DSCAML1: variants seen among roughly 807,000 people sequenced by gnomAD.
DSCAML1 encodes cell adhesion molecule DSCAML1.
In DSCAML1, 38 loss-of-function variants were observed where a neutral mutation model predicts 200.5. The observed-to-expected ratio is 0.19, with a 90% CI of 0.15 to 0.25. The LOEUF is 0.25. Among genes scored for constraint, DSCAML1 ranks in the 10% least tolerant of loss-of-function variants. The pLI, the probability that DSCAML1 is intolerant of heterozygous loss-of-function variation, is 1.00. For synonymous variants in DSCAML1, 1,215 were observed against 1,165.0 expected (o/e 1.04, Z -0.87); for missense variants, 2,223 against 2,858.8 (o/e 0.78, Z 5.07).
At chr11:117,777,053 A>G in intron 2 of DSCAML1, 116 bp from the exon 3 acceptor site, 1 of 1,099,638 alleles carries the variant, frequency 9.1e-7, no homozygotes, top group African/African-American at 1.6e-5. Context: ...TCACCTTCCC[A>G]CTTCTTCCTT....
At chr11:117,610,590 T>C (rs749203536) in intron 3 of DSCAML1, among the ~76,000 whole-genome samples, 10 of 151,916 alleles carry the variant, frequency 6.6e-5, no homozygotes, top group Admixed American at 2.0e-4. Context: ...ATCTTCAGCA[T>C]GGACCTCCCA....
intron 3 of DSCAML1, among the ~76,000 whole-genome samples, chr11:117,718,828 G>A (rs1046684804): frequency 6.6e-6 from 1 of 152,156 alleles, no homozygotes; most frequent in Non-Finnish European, 1.5e-5. Flanking sequence ...AGTGTTTAAC[G>A]AGCACATAAC....
rs552932316 is a variant in DSCAML1, at chr11:117,791,974, C to T, written c.46+5060G>A. ...CTCAGAGAGGCCCAAAGTCACATGG[C>T]CAGTAAGTGCAGAGCCAGGATGTGA... is the stretch of plus-strand genomic sequence containing the variant. On this transcript the variant is annotated intron_variant, in intron 1 of 32. Coordinates refer to ENST00000651296, the MANE Select transcript of DSCAML1 (RefSeq NM_020693.4). Among the ~76,000 whole-genome samples the T allele has an allele frequency of 1.8e-4, 27 of 152,314 alleles. 1 individual carries two copies. The East Asian group carries it at 3.7e-3, about 21-fold the overall frequency.
intron 3 of DSCAML1, among the ~76,000 whole-genome samples, chr11:117,558,599 CTA>C (rs1448244011): frequency 1.3e-5 from 2 of 152,194 alleles, no homozygotes; most frequent in Non-Finnish European, 2.9e-5. Context: ...AACCCCGTCT[CTA>C]TGTGTAGCAG....
intron 11 of DSCAML1, among the ~76,000 whole-genome samples, chr11:117,495,535 C>T (rs554373729): frequency 6.6e-6 from 1 of 152,164 alleles, no homozygotes; most frequent in Non-Finnish European, 1.5e-5. Flanking sequence ...AGGACACCTG[C>T]CAATCACACG....
upstream of DSCAML1, among the ~76,000 whole-genome samples, chr11:117,800,204 G>A (rs150838191): frequency 2.5e-3 from 381 of 152,322 alleles, 2 homozygotes; most frequent in African/African-American, 8.9e-3. Flanking sequence ...CTCTTCGACA[G>A]GAGTTGTATT....
At position 117,521,117 on chromosome 11, in the gene DSCAML1, C is replaced by A. The variant is rs367963788; in HGVS notation, c.1213+13G>T. On this transcript the variant is annotated intron_variant, in intron 6 of 32. Coordinates refer to ENST00000651296, the MANE Select transcript of DSCAML1 (RefSeq NM_020693.4). ...CCTGAACCCGCCCCCTGTGTCCTGG[C>A]GCCCCAGCTCACCCTCAAGTGCAAT... The A allele has an allele frequency of 1.2e-6, 2 of 1,607,236 alleles. No homozygotes were observed. Among genetic ancestry groups the A allele is most frequent in the Non-Finnish European group, 1.7e-6 (2 of 1,174,872 alleles).
chr11:117,484,924 TG>T (rs2049010972), intron 11 of DSCAML1, among the ~76,000 whole-genome samples: 1 of 142,606 alleles, frequency 7.0e-6, no homozygotes, highest in Non-Finnish European at 1.5e-5. Flanking sequence ...TGTGTGTGTG[TG>T]TGTGTGTGTG....
intron 11 of DSCAML1, among the ~76,000 whole-genome samples, chr11:117,486,300 T>G (rs1253282753): frequency 0.015 from 1,877 of 122,002 alleles, 68 homozygotes; most frequent in African/African-American, 0.049. Context: ...ATGGCAGATG[T>G]GAAAGTAGTG....
chr11:117,576,685 C>A (rs996605481), intron 3 of DSCAML1, among the ~76,000 whole-genome samples: 2 of 152,138 alleles, frequency 1.3e-5, no homozygotes, highest in Non-Finnish European at 2.9e-5. Flanking sequence ...CTGACTGTTT[C>A]CACAAGGGAC....
chr11:117,728,253 A>G (rs992905420), intron 3 of DSCAML1, among the ~76,000 whole-genome samples: 1 of 152,254 alleles, frequency 6.6e-6, no homozygotes, highest in Non-Finnish European at 1.5e-5. Flanking sequence ...AAAACACTCA[A>G]CATAATTAGG....
At chr11:117,712,677 T>A (rs948039911) in intron 3 of DSCAML1, among the ~76,000 whole-genome samples, 1 of 152,086 alleles carries the variant, frequency 6.6e-6, no homozygotes, top group African/African-American at 2.4e-5. Flanking sequence ...GATCCATTCA[T>A]CCTAACAGCT....
At chr11:117,461,169 C>T (rs1054450704) in intron 18 of DSCAML1, among the ~76,000 whole-genome samples, 3 of 152,048 alleles carry the variant, frequency 2.0e-5, no homozygotes, top group Non-Finnish European at 4.4e-5. Flanking sequence ...TCCCACCCCT[C>T]ACCAGAGATG....
chr11:117,462,877 CTT>C (rs2048507816), intron 17 of DSCAML1, among the ~76,000 whole-genome samples: 2 of 152,344 alleles, frequency 1.3e-5, no homozygotes, highest in East Asian at 3.9e-4. Flanking sequence ...CTGCTGGAAA[CTT>C]TCTTCTCCCC....
At chr11:117,483,905 G>T (rs906287483) in intron 11 of DSCAML1, among the ~76,000 whole-genome samples, 1 of 151,724 alleles carries the variant, frequency 6.6e-6, no homozygotes, top group East Asian at 1.9e-4. Context: ...CCCCATTCAG[G>T]GGAATACCTC....
chr11:117,490,113 G>T (rs939064557), intron 11 of DSCAML1, among the ~76,000 whole-genome samples: 3 of 152,156 alleles, frequency 2.0e-5, no homozygotes, highest in Non-Finnish European at 4.4e-5. Context: ...AAGCACCACG[G>T]AGAGGAGAAA....
At chr11:117,440,592 T>C (rs774484292) in intron 21 of DSCAML1, among the ~76,000 whole-genome samples, 16 of 152,080 alleles carry the variant, frequency 1.1e-4, no homozygotes, top group Admixed American at 3.9e-4. Flanking sequence ...GACTCCCTCT[T>C]AGAAAGCCGC....
At chr11:117,815,210 G>C (rs999382385) in intron 1 of DSCAML1, among the ~76,000 whole-genome samples, 19 of 152,174 alleles carry the variant, frequency 1.2e-4, no homozygotes, top group Admixed American at 8.5e-4. Flanking sequence ...GGGGCGGGAG[G>C]GAACAAGGGG....
chr11:117,547,234 T>C (rs2050388452), intron 3 of DSCAML1, among the ~76,000 whole-genome samples: 1 of 152,172 alleles, frequency 6.6e-6, no homozygotes, highest in African/African-American at 2.4e-5. Flanking sequence ...CCCACTTTTA[T>C]GTTTCCCGCT....
Sources: allele counts gnomAD v4.1 joint callset (sites outside exome capture counted in the v4.1 genomes callset), GRCh38; gene constraint gnomAD v4.1.1; transcripts MANE v1.5; gene names NCBI Gene and HGNC (gene_info 2026-07-23, HGNC 2026-07-21).